MRC2: variants seen among roughly 807,000 people sequenced by gnomAD.
The protein encoded by MRC2 is C-type mannose receptor 2.
Under a neutral mutation model 206.2 loss-of-function variants are expected in MRC2, and 84 were observed. That is an observed-to-expected ratio of 0.41 (90% CI 0.34 to 0.49). The LOEUF (loss-of-function observed/expected upper bound fraction) is 0.49. Ranked by LOEUF, MRC2 falls within the 20% of genes least tolerant of loss-of-function variation. The pLI is 0.31. For missense variants in MRC2, 1,676 were observed against 2,001.5 expected (o/e 0.84, Z 3.10); for synonymous variants, 798 against 800.0 (o/e 1.00, Z 0.04).
chr17:62,692,000 C>T (rs1599001201), intron 28 of MRC2, 112 bp from the exon 29 acceptor site: 3 of 1,391,362 alleles, frequency 2.2e-6, no homozygotes, highest in Non-Finnish European at 3.0e-6. Flanking sequence ...GGAACTAGAG[C>T]CTCTTTCTCC....
rs928592555 is a variant in MRC2 at position 62,680,607 on chromosome 17, C to T, written c.2473+154C>T. 6.1e-6 allele frequency: 8 copies of T among 1,300,952 alleles called. No individual in the cohort carries two copies. The Admixed American group carries it at 6.7e-5, about 11-fold the overall frequency. 80.6% of individuals were successfully genotyped at this position (1,300,952 alleles called of 1,614,324 possible). A position where few individuals can be genotyped will look rare whatever the true frequency, so the allele number is the denominator to read the frequency against. ...TGGCTCGGACGGAGGCAGCCACAGC[C>T]CTGTTTGCTTCCGTGTGGGAGGCGA... is the stretch of plus-strand genomic sequence containing the variant. On this transcript the variant is annotated intron_variant, in intron 16 of 29. Transcript: ENST00000303375. The surrounding 1 kb of genome is among the most constrained non-coding windows in gnomAD (Gnocchi z 4.8).
rs532360801 is a variant in MRC2, at chr17:62,672,867, C to G, written c.1461+715C>G. ...ATTAGCCAGGCGTGGTGGCAGATGC[C>G]TGTAATCCCAGCTACTCCAGAGGCT... is the stretch of plus-strand genomic sequence containing the variant. On this transcript the variant is annotated intron_variant, in intron 8 of 29. Transcript: ENST00000303375. This position sits in a 1 kb window ranked among gnomAD's most constrained non-coding sequence, Gnocchi z 4.5. Among the ~76,000 whole-genome samples, 1 of 152,224 alleles carries G rather than the reference C, an allele frequency of 6.6e-6. No individual in the cohort carries two copies. Among genetic ancestry groups the G allele is most frequent in the East Asian group, 1.9e-4 (1 of 5,172 alleles).
Position 62,680,468 on chromosome 17 carries a change from G to C in MRC2, c.2473+15G>C, listed in dbSNP as rs529474002. ...CAGCCCTCAAGGTGAGCACCCCCCA[G>C]CCCATCCCGCTACCCATCGCGTGGG... On this transcript the variant is annotated intron_variant, in intron 16 of 29. Transcript: ENST00000303375. This position sits in a 1 kb window ranked among gnomAD's most constrained non-coding sequence, Gnocchi z 4.8. 178 of 1,613,888 alleles carry C rather than the reference G, an allele frequency of 1.1e-4. No individual in the cohort carries two copies. The Admixed American group carries it at 1.2e-3, about 11-fold the overall frequency.
chr17:62,666,013 G>A lies in MRC2; in HGVS notation c.521-81G>A. 2 of 1,433,180 alleles carry A rather than the reference G, an allele frequency of 1.4e-6. No individual in the cohort carries two copies. Among genetic ancestry groups the A allele is most frequent in the African/African-American group, 1.4e-5 (1 of 69,866 alleles). 88.8% of individuals were successfully genotyped at this position (1,433,180 alleles called of 1,614,324 possible). ...AACACCCAGCACTCTGGGTTTTAGG[G>A]GATTTCTCCTGAGGGTCGAGGGGCT... On this transcript the variant is annotated intron_variant, in intron 2 of 29. Coordinates refer to ENST00000303375, the MANE Select transcript of MRC2 (RefSeq NM_006039.5). This position sits in a 1 kb window ranked among gnomAD's most constrained non-coding sequence, Gnocchi z 5.0.
chr17:62,660,159 G>C (rs922201937), intron 1 of MRC2, among the ~76,000 whole-genome samples: 15 of 152,212 alleles, frequency 9.9e-5, no homozygotes, highest in African/African-American at 3.6e-4. Context: ...AAACCAGACA[G>C]AGGTAGAGAG....
chr17:62,632,314 A>C (rs1260325132), intron 1 of MRC2, among the ~76,000 whole-genome samples: 1 of 151,542 alleles, frequency 6.6e-6, no homozygotes, highest in African/African-American at 2.4e-5. Flanking sequence ...CCCTTCTTGC[A>C]CTTCCCCCTG....
chr17:62,680,764 C>T lies in MRC2; in HGVS notation c.2474-36C>T. ...CCGGGGCCTGGCGTGCAGCCTCTGC[C>T]TGGCCGCCGCTCCCACGCCCGCGCT... On this transcript the variant is annotated intron_variant, in intron 16 of 29. Transcript: ENST00000303375. This position sits in a 1 kb window ranked among gnomAD's most constrained non-coding sequence, Gnocchi z 4.8. The T allele has an allele frequency of 1.3e-6, 2 of 1,529,000 alleles. No homozygotes were observed. The highest frequency in any genetic ancestry group is 1.4e-5 in the African/African-American group (1 of 71,950). The allele number at this position is 1,529,000 out of a possible 1,614,324, so 94.7% of individuals were successfully genotyped here. A position where few individuals can be genotyped will look rare whatever the true frequency, so the allele number is the denominator to read the frequency against.
At chr17:62,669,121 C>CAT (rs2088794078) in intron 6 of MRC2, among the ~76,000 whole-genome samples, 1 of 148,916 alleles carries the variant, frequency 6.7e-6, no homozygotes, top group South Asian at 2.2e-4. Flanking sequence ...CACACACACA[C>CAT]ACACAACACT....
At chr17:62,665,673 G>A (rs2088743308) in intron 2 of MRC2, among the ~76,000 whole-genome samples, 2 of 152,170 alleles carry the variant, frequency 1.3e-5, no homozygotes, top group Non-Finnish European at 2.9e-5. Flanking sequence ...GGCCTCTTGT[G>A]GTGGACAGCC....
In MRC2 at chr17:62,664,793, C is replaced by T. The variant is rs1439440250; in HGVS notation, c.364C>T (p.His122Tyr). The change falls in exon 2 of 30, where the codon CAT becomes TAT. Residue 122 changes from histidine to tyrosine, a missense_variant. By Grantham distance (83) the His-to-Tyr change is moderately conservative. Coordinates refer to ENST00000303375, the MANE Select transcript of MRC2 (RefSeq NM_006039.5). This position sits in a 1 kb window ranked among gnomAD's most constrained non-coding sequence, Gnocchi z 4.7. The stretch of plus-strand genomic sequence containing the variant: ...CCGGGAAGCACTGAATCTTCGCTGG[C>T]ATTGTCGTACACTGGGTGACCAGCT... ...CDREALNLRWHCRTLGDQLSL... is the reference protein window; with the variant it reads ...CDREALNLRWYCRTLGDQLSL... The T allele has an allele frequency of 6.2e-7, 1 of 1,613,944 alleles. No individual in the cohort carries two copies. Among genetic ancestry groups the T allele is most frequent in the African/African-American group, 1.3e-5 (1 of 75,082 alleles).
intron 1 of MRC2, among the ~76,000 whole-genome samples, chr17:62,645,404 T>A (rs1356316036): frequency 8.0e-5 from 12 of 149,368 alleles, no homozygotes; most frequent in Non-Finnish European, 1.8e-4. Flanking sequence ...TACATTCATC[T>A]CAAAAATATA....
chr17:62,678,083 TCTAGG>T (rs1411115843), intron 12 of MRC2, among the ~76,000 whole-genome samples: 2 of 152,072 alleles, frequency 1.3e-5, no homozygotes, highest in Non-Finnish European at 2.9e-5. Flanking sequence ...AAGATAAAAA[TCTAGG>T]CTGTCACAAT....
rs2088831170 is a variant in MRC2 at position 62,671,897 on chromosome 17, A to C, written c.1306+60A>C. ...GGCAGGGCCTCCCACTGCCCCACCC[A>C]TCCTGTCCAGGAGCCTCAGAGAATG... On this transcript the variant is annotated intron_variant, in intron 7 of 29. Coordinates refer to ENST00000303375, the MANE Select transcript of MRC2 (RefSeq NM_006039.5). This position sits in a 1 kb window ranked among gnomAD's most constrained non-coding sequence, Gnocchi z 4.5. The C allele has an allele frequency of 3.1e-6, 5 of 1,595,058 alleles. No individual in the cohort carries two copies. The highest frequency in any genetic ancestry group is 4.3e-6 in the Non-Finnish European group (5 of 1,167,994).
chr17:62,688,178 C>T (rs746391722), intron 20 of MRC2, 111 bp from the exon 21 acceptor site: 8 of 847,620 alleles, frequency 9.4e-6, no homozygotes, highest in Admixed American at 4.6e-5. Flanking sequence ...TGTTCTCTCC[C>T]GGCCCTCAAA....
intron 2 of MRC2, 125 bp from the exon 3 acceptor site, chr17:62,665,969 C>G (rs1372081981): frequency 2.0e-6 from 2 of 1,014,716 alleles, no homozygotes; most frequent in Non-Finnish European, 1.4e-6. Context: ...ATTGCCTCTC[C>G]CACCTGCTGA....
chr17:62,629,303 C>G (rs1051635839), intron 1 of MRC2, among the ~76,000 whole-genome samples: 5 of 152,148 alleles, frequency 3.3e-5, no homozygotes, highest in Non-Finnish European at 5.9e-5. Flanking sequence ...AAAGCCAGGC[C>G]CTGGGAGAGA....
intron 1 of MRC2, among the ~76,000 whole-genome samples, chr17:62,656,099 T>C (rs2088616284): frequency 6.6e-6 from 1 of 152,068 alleles, no homozygotes; most frequent in Non-Finnish European, 1.5e-5. Context: ...CAGGTTGGAG[T>C]ACAGTGGTGC....
rs2089099121 is a variant in MRC2, at chr17:62,690,780, G to A, written c.4012+19G>A. On this transcript the variant is annotated intron_variant, in intron 27 of 29. Coordinates refer to ENST00000303375, the MANE Select transcript of MRC2 (RefSeq NM_006039.5). The stretch of plus-strand genomic sequence containing the variant: ...CCCAAAGGTGGGTGCCCTGTGTGTG[G>A]GGTGGAGAGGTCAAGCCTCAGGCTG... 2 of 1,586,340 alleles carry A rather than the reference G, an allele frequency of 1.3e-6. No homozygotes were observed. The highest frequency in any genetic ancestry group is 1.2e-5 in the South Asian group (1 of 85,646).
At chr17:62,653,061 G>A (rs1157925436) in intron 1 of MRC2, among the ~76,000 whole-genome samples, 1 of 152,132 alleles carries the variant, frequency 6.6e-6, no homozygotes, top group African/African-American at 2.4e-5. Flanking sequence ...GGGGATCCAG[G>A]CCTGGTGACC....
Sources: allele counts gnomAD v4.1 joint callset (sites outside exome capture counted in the v4.1 genomes callset), GRCh38; gene constraint gnomAD v4.1.1; non-coding constraint Gnocchi (gnomAD v3.1); transcripts MANE v1.5; gene names NCBI Gene and HGNC (gene_info 2026-07-23, HGNC 2026-07-21).